Variants in PDE11A observed in about 807,000 individuals in gnomAD.
PDE11A encodes the protein phosphodiesterase 11A.
In PDE11A, 100 loss-of-function variants were observed where a neutral mutation model predicts 100.5. The observed-to-expected ratio is 1.00, with a 90% CI of 0.85 to 1.18. The LOEUF is 1.18. Among genes scored for constraint, PDE11A ranks in the 50% most tolerant of loss-of-function variants. The pLI, the probability that PDE11A is intolerant of heterozygous loss-of-function variation, is 0.00. For missense variants in PDE11A, 1,141 were observed against 1,152.6 expected (o/e 0.99, Z 0.15); for synonymous variants, 381 against 420.8 (o/e 0.91, Z 1.16).
chr2:177,736,467 C>T (rs185270304), intron 10 of PDE11A, among the ~76,000 whole-genome samples: 429 of 150,384 alleles, frequency 2.9e-3, no homozygotes, highest in African/African-American at 4.2e-3. Flanking sequence ...GAGGTTGCAG[C>T]GAGCACTGCA....
intron 16 of PDE11A, chr2:177,676,171 T>G (rs1276872583): frequency 1.2e-5 from 2 of 162,072 alleles, no homozygotes; most frequent in Non-Finnish European, 2.7e-5. Flanking sequence ...TGAATCAGAG[T>G]TTTGAGGGGC....
intron 14 of PDE11A, among the ~76,000 whole-genome samples, chr2:177,700,874 G>A (rs527330724): frequency 6.6e-6 from 1 of 152,160 alleles, no homozygotes; most frequent in Non-Finnish European, 1.5e-5. Context: ...CTGTTACCCT[G>A]CTAAGTGAAT....
intron 1 of PDE11A, among the ~76,000 whole-genome samples, chr2:178,065,034 A>C (rs577718990): frequency 6.6e-6 from 1 of 152,312 alleles, no homozygotes; most frequent in African/African-American, 2.4e-5. Context: ...AACCTTCTTT[A>C]CTATTTTAAT....
intron 15 of PDE11A, among the ~76,000 whole-genome samples, chr2:177,695,847 A>G (rs1326504577): frequency 6.6e-6 from 1 of 152,218 alleles, no homozygotes; most frequent in Non-Finnish European, 1.5e-5. Context: ...TAACTGATGC[A>G]ATGCCACAGT....
At chr2:178,004,049 A>G (rs2086175725) in intron 2 of PDE11A, among the ~76,000 whole-genome samples, 1 of 152,196 alleles carries the variant, frequency 6.6e-6, no homozygotes, top group Non-Finnish European at 1.5e-5. Flanking sequence ...GAATTATTTA[A>G]AGCATGATAA....
chr2:177,756,841 C>A (rs566160669), intron 10 of PDE11A, among the ~76,000 whole-genome samples: 1 of 152,210 alleles, frequency 6.6e-6, no homozygotes, highest in East Asian at 1.9e-4. Context: ...AACTATGTAA[C>A]CTTAAAACAA....
At chr2:178,020,507 T>C (rs2086394018) in intron 1 of PDE11A, among the ~76,000 whole-genome samples, 1 of 152,096 alleles carries the variant, frequency 6.6e-6, no homozygotes. Flanking sequence ...AAAGAGAAAA[T>C]GTGGCCTGGA....
intron 2 of PDE11A, among the ~76,000 whole-genome samples, chr2:177,962,346 C>A (rs971675858): frequency 7.9e-5 from 12 of 151,976 alleles, no homozygotes; most frequent in Admixed American, 3.3e-4. Flanking sequence ...ACAAATGTAT[C>A]AATATCCCTA....
chr2:177,823,168 C>T, intron 6 of PDE11A, among the ~76,000 whole-genome samples: 1 of 152,108 alleles, frequency 6.6e-6, no homozygotes, highest in East Asian at 1.9e-4. Context: ...GTCCAGTGTA[C>T]TCTTCCAAAA....
intron 9 of PDE11A, among the ~76,000 whole-genome samples, chr2:177,811,857 A>T (rs2082953258): frequency 6.6e-6 from 1 of 152,178 alleles, no homozygotes; most frequent in Non-Finnish European, 1.5e-5. Context: ...TGCTTCTGGG[A>T]TGTTCAGTGG....
At chr2:178,031,236 A>G (rs1314994334) in intron 1 of PDE11A, among the ~76,000 whole-genome samples, 5 of 152,196 alleles carry the variant, frequency 3.3e-5, no homozygotes. Context: ...CCTCATACCT[A>G]ATGATTAAAC....
At position 177,822,164 on chromosome 2, in the gene PDE11A, T is replaced by C. The variant is rs1052730577; in HGVS notation, c.1501-1869A>G. On this transcript the variant is annotated intron_variant, in intron 6 of 19. Transcript: ENST00000286063. Reference sequence around the variant, plus strand: ...GTTTTGTTCAAGAGATCTTTCTGTATTCCAACCTCATGAAGATATTCTTCT... The same window carrying C: ...GTTTTGTTCAAGAGATCTTTCTGTACTCCAACCTCATGAAGATATTCTTCT... 6.6e-5 allele frequency among the ~76,000 whole-genome samples: 10 copies of C among 151,998 alleles called. No individual in the cohort carries two copies. In the East Asian group the frequency reaches 7.7e-4, roughly 12 times the overall value.
rs2084221873 is a variant in PDE11A, at chr2:177,875,575, A to G, written c.1367+284T>C. 2.6e-5 allele frequency among the ~76,000 whole-genome samples: 4 copies of G among 151,268 alleles called. No homozygotes were observed. The South Asian group carries it at 8.4e-4, about 32-fold the overall frequency. On this transcript the variant is annotated intron_variant, in intron 5 of 19. Transcript: ENST00000286063. ...TTTTGTATTTTGTAGTAGAGACGGC[A>G]TTTCACCATGTTAGCCAGGATGGTC...
intron 4 of PDE11A, among the ~76,000 whole-genome samples, chr2:177,894,663 T>C (rs932228702): frequency 6.6e-6 from 1 of 152,190 alleles, no homozygotes; most frequent in African/African-American, 2.4e-5. Context: ...AGACTCTTTG[T>C]GGCAATAATA....
At chr2:177,811,362 G>A (rs1036245465) in intron 9 of PDE11A, among the ~76,000 whole-genome samples, 3 of 151,722 alleles carry the variant, frequency 2.0e-5, no homozygotes, top group Admixed American at 6.6e-5. Context: ...GAGCATTTCT[G>A]CTCTCTAAGA....
chr2:177,875,325 C>T (rs78121210), intron 5 of PDE11A, among the ~76,000 whole-genome samples: 1,725 of 152,090 alleles, frequency 0.011, 26 homozygotes, highest in East Asian at 0.075. Flanking sequence ...AAAGTTGGCC[C>T]TAAAAACTGA....
At chr2:177,721,939 C>T (rs1251538759) in intron 12 of PDE11A, among the ~76,000 whole-genome samples, 1 of 152,052 alleles carries the variant, frequency 6.6e-6, no homozygotes, top group South Asian at 2.1e-4. Flanking sequence ...ACTTAACACC[C>T]TTAGGTGCCA....
intron 19 of PDE11A, among the ~76,000 whole-genome samples, chr2:177,649,344 C>T (rs1010316397): frequency 8.6e-5 from 13 of 152,042 alleles, no homozygotes; most frequent in African/African-American, 2.9e-4. Context: ...CAACAGCAAA[C>T]AATTAGACAC....
At chr2:177,831,303 A>C (rs112840857) in intron 6 of PDE11A, among the ~76,000 whole-genome samples, 10 of 152,334 alleles carry the variant, frequency 6.6e-5, no homozygotes, top group African/African-American at 2.2e-4. Context: ...AGCTCCTATC[A>C]AAAGGAAGAC....
Sources: allele counts gnomAD v4.1 joint callset (sites outside exome capture counted in the v4.1 genomes callset), GRCh38; gene constraint gnomAD v4.1.1; transcripts MANE v1.5; gene names NCBI Gene and HGNC (gene_info 2026-07-23, HGNC 2026-07-21).